Variants in DLGAP1 observed in about 807,000 individuals in gnomAD.
The protein encoded by DLGAP1 is DLG associated protein 1, also known as disks large-associated protein 1.
In DLGAP1, 11 loss-of-function variants were observed where a neutral mutation model predicts 90.8. The ratio of observed to expected loss-of-function variants is 0.12; its 90% CI spans 0.08 to 0.20. The LOEUF (loss-of-function observed/expected upper bound fraction) is 0.20. Ranked by LOEUF, DLGAP1 falls within the 10% of genes least tolerant of loss-of-function variation. The pLI is 1.00. For synonymous variants in DLGAP1, 558 were observed against 540.7 expected, an observed-to-expected ratio of 1.03 and a Z score of -0.44; for missense variants, 1,050 against 1,333.8, an observed-to-expected ratio of 0.79 and a Z score of 3.31.
chr18:4,165,649 G>T (rs2076920845), intron 1 of DLGAP1, among the ~76,000 whole-genome samples: 1 of 152,112 alleles, frequency 6.6e-6, no homozygotes, highest in African/African-American at 2.4e-5. Context: ...ATCTAAAAGT[G>T]GGGAAGGTAA....
At chr18:4,329,132 T>C (rs997014706) in intron 1 of DLGAP1, among the ~76,000 whole-genome samples, 5 of 152,016 alleles carry the variant, frequency 3.3e-5, no homozygotes, top group African/African-American at 4.8e-5. Flanking sequence ...CTACATTTTA[T>C]AGTTCACTGC....
Position 4,454,304 on chromosome 18 carries a change from C to T in DLGAP1, c.-267+702G>A, listed in dbSNP as rs1189022066. On this transcript the variant is annotated intron_variant, in intron 1 of 12. Transcript: ENST00000315677. The surrounding 1 kb of genome is among the most constrained non-coding windows in gnomAD (Gnocchi z 4.7). ...TGGTTCCAGCCCGGCTCATTCAATT[C>T]GCTGAATGTCGGGTCTCCCGGCCCG... Among the ~76,000 whole-genome samples, 10 of 152,196 alleles carry T rather than the reference C, an allele frequency of 6.6e-5. No individual in the cohort carries two copies. Among genetic ancestry groups the T allele is most frequent in the African/African-American group, 2.4e-4 (10 of 41,452 alleles).
intron 2 of DLGAP1, among the ~76,000 whole-genome samples, chr18:4,005,649 T>C (rs2074286018): frequency 6.6e-6 from 1 of 152,172 alleles, no homozygotes. Context: ...CTCCCTCCTG[T>C]CAAGTGCACC....
chr18:4,140,282 T>C (rs1227528947), intron 2 of DLGAP1, among the ~76,000 whole-genome samples: 3 of 151,942 alleles, frequency 2.0e-5, no homozygotes, highest in African/African-American at 4.8e-5. Flanking sequence ...ATTTGTTGTA[T>C]GCTTTTTGTT....
intron 5 of DLGAP1, among the ~76,000 whole-genome samples, chr18:3,805,913 C>A (rs2066537942): frequency 6.6e-6 from 1 of 152,164 alleles, no homozygotes; most frequent in Non-Finnish European, 1.5e-5. Flanking sequence ...AACCTGAATT[C>A]CTTGGGCTGC....
At chr18:4,042,881 A>C (rs570201753) in intron 2 of DLGAP1, among the ~76,000 whole-genome samples, 179 of 152,358 alleles carry the variant, frequency 1.2e-3, no homozygotes, top group African/African-American at 3.5e-3. Context: ...TTTTGGCTAA[A>C]CCAAATACTT....
chr18:4,031,603 T>C (rs1389221592), intron 2 of DLGAP1, among the ~76,000 whole-genome samples: 2 of 151,992 alleles, frequency 1.3e-5, no homozygotes, highest in Non-Finnish European at 2.9e-5. Flanking sequence ...ACCACAGGGG[T>C]GGCTGGGTAG....
At position 3,758,488 on chromosome 18, in the gene DLGAP1, C is replaced by T. The variant is rs562540971; in HGVS notation, c.1173-15976G>A. The stretch of plus-strand genomic sequence containing the variant: ...TTCACAGACTATTTTTATTTATAGA[C>T]TCAGGGTCTAACTCAAAGCCACTTT... On this transcript the variant is annotated intron_variant, in intron 5 of 12. Coordinates refer to ENST00000315677, the MANE Select transcript of DLGAP1 (RefSeq NM_004746.4). Among the ~76,000 whole-genome samples, 3 of 152,300 alleles carry T rather than the reference C, an allele frequency of 2.0e-5. No homozygotes were observed. In the South Asian group the frequency reaches 6.2e-4, roughly 32 times the overall value.
At chr18:4,056,044 T>C (rs2075210440) in intron 2 of DLGAP1, among the ~76,000 whole-genome samples, 1 of 152,138 alleles carries the variant, frequency 6.6e-6, no homozygotes, top group African/African-American at 2.4e-5. Flanking sequence ...TTGATCATCT[T>C]CCCTTTAAAG....
At chr18:4,126,871 A>C (rs902771175) in intron 2 of DLGAP1, among the ~76,000 whole-genome samples, 4 of 152,342 alleles carry the variant, frequency 2.6e-5, no homozygotes, top group African/African-American at 9.6e-5. Flanking sequence ...CAGCTGTCCC[A>C]GATTAATGAA....
intron 7 of DLGAP1, among the ~76,000 whole-genome samples, chr18:3,636,504 C>T (rs574661239): frequency 4.6e-5 from 7 of 151,708 alleles, no homozygotes; most frequent in East Asian, 2.0e-4. Flanking sequence ...CTCCACCTCC[C>T]GGGTTCAAGT....
At chr18:3,787,001 T>C (rs2065480978) in intron 5 of DLGAP1, among the ~76,000 whole-genome samples, 1 of 135,018 alleles carries the variant, frequency 7.4e-6, no homozygotes. Context: ...AAGTACCAAA[T>C]GGTGAATCTT....
At chr18:3,580,457 C>T in intron 8 of DLGAP1, 1 of 1,612,168 alleles carries the variant, frequency 6.2e-7, no homozygotes, top group South Asian at 1.1e-5. Context: ...TGCCAGCTCC[C>T]TCAGCCGCCA....
intron 1 of DLGAP1, among the ~76,000 whole-genome samples, chr18:4,335,382 T>C (rs1183625044): frequency 6.6e-6 from 1 of 151,976 alleles, no homozygotes; most frequent in East Asian, 1.9e-4. Context: ...CTAGGTCCTC[T>C]GGAATTAACT....
intron 5 of DLGAP1, among the ~76,000 whole-genome samples, chr18:3,809,835 G>A (rs2066743098): frequency 6.6e-6 from 1 of 152,122 alleles, no homozygotes; most frequent in African/African-American, 2.4e-5. Context: ...ATGGGATTTG[G>A]ACTTGGTTTT....
chr18:3,598,465 C>CT (rs35437765), intron 7 of DLGAP1: 31,598 of 115,510 alleles, frequency 0.27, 4,864 homozygotes, highest in South Asian at 0.39. Context: ...CCCTCCATTA[C>CT]TTTTTTTTTT....
chr18:3,950,513 C>T (rs1159758640), intron 3 of DLGAP1, among the ~76,000 whole-genome samples: 1 of 152,216 alleles, frequency 6.6e-6, no homozygotes, highest in African/African-American at 2.4e-5. Context: ...CTCCTGAGGG[C>T]AAGGACTGTT....
At chr18:4,270,876 T>C (rs2145354292) in intron 1 of DLGAP1, among the ~76,000 whole-genome samples, 1 of 152,350 alleles carries the variant, frequency 6.6e-6, no homozygotes, top group South Asian at 2.1e-4. Flanking sequence ...GTCGTTTTCA[T>C]GGTGAATGAG....
At position 4,053,525 on chromosome 18, in the gene DLGAP1, T is replaced by C. The variant is rs561097363; in HGVS notation, c.-158-48324A>G. On this transcript the variant is annotated intron_variant, in intron 2 of 12. Coordinates refer to ENST00000315677, the MANE Select transcript of DLGAP1 (RefSeq NM_004746.4). ...GGGACACAGCCAAAGAGTATCACTATATGAAACTCATGTTGAATTAGAGTT... is the reference window on the plus strand; with the variant it reads ...GGGACACAGCCAAAGAGTATCACTACATGAAACTCATGTTGAATTAGAGTT... 2.6e-5 allele frequency among the ~76,000 whole-genome samples: 4 copies of C among 152,338 alleles called. No homozygotes were observed. In the South Asian group the frequency reaches 8.3e-4, roughly 32 times the overall value.
Sources: gnomAD v4.1 joint callset for allele counts (sites outside exome capture counted in the v4.1 genomes callset) on GRCh38, gnomAD v4.1.1 for gene constraint, Gnocchi (gnomAD v3.1) non-coding constraint, MANE v1.5 for transcripts, NCBI Gene and HGNC (gene_info 2026-07-23, HGNC 2026-07-21) for gene names.